Variants in SLC25A42 observed in about 807,000 individuals in gnomAD.
SLC25A42 encodes mitochondrial coenzyme A transporter SLC25A42.
SLC25A42 carries 19 observed loss-of-function variants against 34.7 expected under a neutral mutation model. The observed-to-expected ratio is 0.55, with a 90% CI of 0.38 to 0.80. SLC25A42 has a LOEUF of 0.80. Among genes scored for constraint, SLC25A42 ranks in the 30% least tolerant of loss-of-function variants. The pLI is 0.00. For missense variants in SLC25A42, 364 were observed against 441.3 expected, an observed-to-expected ratio of 0.82 and a Z score of 1.57; for synonymous variants, 205 against 191.2, an observed-to-expected ratio of 1.07 and a Z score of -0.59.
At chr19:19,103,424 C>T (rs545328306) in intron 3 of SLC25A42, among the ~76,000 whole-genome samples, 8 of 152,296 alleles carry the variant, frequency 5.3e-5, no homozygotes, top group South Asian at 2.1e-4. Context: ...GACACCAATT[C>T]GCATTTAGGG....
At chr19:19,106,057 G>C (rs983950310) in intron 5 of SLC25A42, 14 of 562,814 alleles carry the variant, frequency 2.5e-5, no homozygotes, top group East Asian at 1.5e-4. Flanking sequence ...ATGCCAGCAG[G>C]GGGGAAGGGA....
intron 1 of SLC25A42, among the ~76,000 whole-genome samples, chr19:19,068,820 A>G (rs1172030957): frequency 2.0e-5 from 3 of 151,680 alleles, no homozygotes; most frequent in Non-Finnish European, 2.9e-5. Context: ...CCTGGGTGAC[A>G]GAGCGACACT....
chr19:19,073,643 T>G (rs1221614732), intron 1 of SLC25A42, among the ~76,000 whole-genome samples: 1 of 151,914 alleles, frequency 6.6e-6, no homozygotes, highest in Non-Finnish European at 1.5e-5. Context: ...GGCATGATCT[T>G]GGCTCACTGC....
intron 6 of SLC25A42, chr19:19,107,002 T>A (rs1293914930): frequency 7.4e-6 from 1 of 135,792 alleles, no homozygotes; most frequent in African/African-American, 2.8e-5. Flanking sequence ...GATACCATGA[T>A]CATGAAAAAT....
intron 1 of SLC25A42, among the ~76,000 whole-genome samples, chr19:19,065,348 A>G (rs377402827): frequency 1.7e-4 from 26 of 152,308 alleles, no homozygotes; most frequent in Admixed American, 9.8e-4. Context: ...ATAAAGAGTA[A>G]GGAAACACTC....
At chr19:19,067,700 G>T (rs1163823281) in intron 1 of SLC25A42, among the ~76,000 whole-genome samples, 2 of 151,966 alleles carry the variant, frequency 1.3e-5, no homozygotes, top group African/African-American at 4.8e-5. Context: ...GTTGCTAGAA[G>T]AACCATTTAG....
In SLC25A42 at chr19:19,111,077, G is replaced by C. The variant is rs11544172; in HGVS notation, c.*201G>C. 3.3e-6 allele frequency: 2 copies of C among 613,852 alleles called. No homozygotes were observed. The highest frequency in any genetic ancestry group is 5.7e-6 in the Non-Finnish European group (2 of 353,798). The allele number at this position is 613,852 out of a possible 1,614,324, so 38.0% of individuals were successfully genotyped here. A position where few individuals can be genotyped will look rare whatever the true frequency, so the allele number is the denominator to read the frequency against. On this transcript the variant is annotated 3_prime_UTR_variant, in exon 8 of 8. Transcript: ENST00000318596. ...GCAGCCCTGGAAGTGCAGTGTTGGGGCGATGGTGTGGGGGGTCCCGCAGCT... is the reference window on the plus strand; with the variant it reads ...GCAGCCCTGGAAGTGCAGTGTTGGGCCGATGGTGTGGGGGGTCCCGCAGCT...
intron 1 of SLC25A42, among the ~76,000 whole-genome samples, chr19:19,080,269 G>A (rs544356183): frequency 6.6e-6 from 1 of 152,256 alleles, no homozygotes; most frequent in East Asian, 1.9e-4. Context: ...TTCACAATGG[G>A]AAATGCTTCC....
chr19:19,090,796 C>G (rs901411190), intron 1 of SLC25A42, among the ~76,000 whole-genome samples: 2 of 152,198 alleles, frequency 1.3e-5, no homozygotes, highest in African/African-American at 4.8e-5. Context: ...GAGGCACCTC[C>G]CACCTGAGGG....
chr19:19,102,785 A>C (rs1008369657), intron 3 of SLC25A42, among the ~76,000 whole-genome samples: 1 of 151,600 alleles, frequency 6.6e-6, no homozygotes, highest in Non-Finnish European at 1.5e-5. Flanking sequence ...TAAATAATAA[A>C]ATCCACTTCG....
chr19:19,100,927 T>G (rs2059792978), intron 2 of SLC25A42, among the ~76,000 whole-genome samples: 2 of 152,126 alleles, frequency 1.3e-5, no homozygotes, highest in South Asian at 4.1e-4. Context: ...CCCCTGCTTC[T>G]CAATGAGTCC....
intron 3 of SLC25A42, among the ~76,000 whole-genome samples, chr19:19,104,042 G>A (rs2059812752): frequency 6.6e-6 from 1 of 152,160 alleles, no homozygotes; most frequent in African/African-American, 2.4e-5. Flanking sequence ...GAGTAGCTGG[G>A]ATTGCAGGAG....
chr19:19,096,189 C>G lies in SLC25A42; in HGVS notation c.65C>G (p.Ser22Trp). The change falls in exon 2 of 8, where the codon TCG (serine) becomes TGG (tryptophan). Residue 22 changes from serine (S) to tryptophan (W), a missense_variant. Physicochemically the swap from Ser to Trp is radical, Grantham distance 177. Coordinates refer to ENST00000318596, the MANE Select transcript of SLC25A42 (RefSeq NM_178526.5). Reference protein sequence around the residue: ...LHEDAEAVLSSSVSSKRDHRQ... With the variant: ...LHEDAEAVLSWSVSSKRDHRQ... The stretch of plus-strand genomic sequence containing the variant: ...GAGGATGCTGAGGCTGTCCTGTCCT[C>G]GTCCGTCTCATCAAAGGCAAGTACC... 1 of 1,613,650 alleles carries G rather than the reference C, an allele frequency of 6.2e-7. No homozygotes were observed. Among genetic ancestry groups the G allele is most frequent in the Non-Finnish European group, 8.5e-7 (1 of 1,179,736 alleles).
intron 1 of SLC25A42, among the ~76,000 whole-genome samples, chr19:19,071,331 CTTTCTGGGCTG>C (rs2059629070): frequency 6.6e-6 from 1 of 152,106 alleles, no homozygotes; most frequent in Non-Finnish European, 1.5e-5. Context: ...CTTAATTTTG[CTTTCTGGGCTG>C]TGAGCTTGGT....
In SLC25A42 at chr19:19,100,651, C is replaced by T. The variant is rs546585598; in HGVS notation, c.82-1130C>T. On this transcript the variant is annotated intron_variant, in intron 2 of 7. Coordinates refer to ENST00000318596, the MANE Select transcript of SLC25A42 (RefSeq NM_178526.5). ...GAGTTCTTACAGAACCCTGGGCCACCTCCTCGCGGCACCTTCCCAATGGGT... is the reference window on the plus strand; with the variant it reads ...GAGTTCTTACAGAACCCTGGGCCACTTCCTCGCGGCACCTTCCCAATGGGT... 4.6e-5 allele frequency among the ~76,000 whole-genome samples: 7 copies of T among 152,330 alleles called. No individual in the cohort carries two copies. In the South Asian group the frequency reaches 1.2e-3, roughly 27 times the overall value.
chr19:19,083,615 T>C (rs1320487765), intron 1 of SLC25A42, among the ~76,000 whole-genome samples: 1 of 152,192 alleles, frequency 6.6e-6, no homozygotes, highest in Non-Finnish European at 1.5e-5. Context: ...AGGCCTGAAT[T>C]GGCAAACCCT....
At chr19:19,102,357 C>T (rs904246638) in intron 3 of SLC25A42, among the ~76,000 whole-genome samples, 3 of 151,980 alleles carry the variant, frequency 2.0e-5, no homozygotes, top group Non-Finnish European at 4.4e-5. Flanking sequence ...AAGTCCTGGG[C>T]TCAAGTGATC....
At position 19,086,617 on chromosome 19, in the gene SLC25A42, G is replaced by A. The variant is rs11672942; in HGVS notation, c.-34-9474G>A. Among the ~76,000 whole-genome samples the A allele has an allele frequency of 9.2e-3, 1,400 of 152,114 alleles. 17 individuals carry two copies. The highest frequency in any genetic ancestry group is 0.015 in the Non-Finnish European group (1,038 of 67,990). On this transcript the variant is annotated intron_variant, in intron 1 of 7. Transcript: ENST00000318596. ...ATATTTAACGTATACAACATGTTGT[G>A]TGGTTTTGGGGGGTTTTGCTTTTTT...
rs968742441 is a variant in SLC25A42, at chr19:19,076,061, G to A, written c.-35+11946G>A. Among the ~76,000 whole-genome samples, 3 of 152,196 alleles carry A rather than the reference G, an allele frequency of 2.0e-5. No homozygotes were observed. The South Asian group carries it at 6.2e-4, about 32-fold the overall frequency. On this transcript the variant is annotated intron_variant, in intron 1 of 7. Transcript: ENST00000318596. ...TCTCCACAGTGACAGGGAGCAGAGC[G>A]AGTGGTTTCCCAGAATGCTGTCCTC...
Sources: allele counts gnomAD v4.1 joint callset (sites outside exome capture counted in the v4.1 genomes callset), GRCh38; gene constraint gnomAD v4.1.1; transcripts MANE v1.5; gene names NCBI Gene and HGNC (gene_info 2026-07-23, HGNC 2026-07-21).